Variants in SLC14A2 observed in about 807,000 individuals in gnomAD.
SLC14A2 encodes solute carrier family 14 member 2, also known as urea transporter 2.
A neutral mutation model predicts 104.6 loss-of-function variants in SLC14A2; 91 were observed. The ratio of observed to expected loss-of-function variants is 0.87; its 90% confidence interval spans 0.73 to 1.04. SLC14A2 has a LOEUF of 1.04. SLC14A2 is among the 50% of genes least tolerant of loss of function. The probability of loss-of-function intolerance (pLI) is 0.00; values close to 1 mark genes in which losing one functional copy is unlikely to be tolerated. For synonymous variants in SLC14A2, 476 were observed against 466.4 expected (o/e 1.02, Z -0.27); for missense variants, 1,189 against 1,156.0 (o/e 1.03, Z -0.41).
intron 1 of SLC14A2, among the ~76,000 whole-genome samples, chr18:45,465,883 TATAAG>T (rs2087132489): frequency 6.6e-6 from 1 of 151,692 alleles, no homozygotes; most frequent in Non-Finnish European, 1.5e-5. Flanking sequence ...ACGTTGCAAA[TATAAG>T]AGATGTCTGC....
At chr18:45,678,219 T>A (rs2046257461) in intron 18 of SLC14A2, among the ~76,000 whole-genome samples, 1 of 152,208 alleles carries the variant, frequency 6.6e-6, no homozygotes, top group South Asian at 2.1e-4. Flanking sequence ...ACAGTCATAT[T>A]ATTTCACCTC....
chr18:45,377,108 A>G (rs1211366057), intron 1 of SLC14A2, among the ~76,000 whole-genome samples: 3 of 152,170 alleles, frequency 2.0e-5, no homozygotes, highest in African/African-American at 4.8e-5. Context: ...AAAGGTGATG[A>G]AAACATCTGC....
intron 2 of SLC14A2, among the ~76,000 whole-genome samples, chr18:45,555,856 C>T (rs1159383187): frequency 6.6e-6 from 1 of 152,206 alleles, no homozygotes; most frequent in Non-Finnish European, 1.5e-5. Flanking sequence ...TGTAAACAGA[C>T]TTCACTCACC....
intron 1 of SLC14A2, among the ~76,000 whole-genome samples, chr18:45,385,654 A>G (rs1017703600): frequency 3.3e-5 from 5 of 152,160 alleles, no homozygotes; most frequent in Non-Finnish European, 5.9e-5. Context: ...CTATTCTGCA[A>G]ATGAAAGAAC....
intron 2 of SLC14A2, among the ~76,000 whole-genome samples, chr18:45,575,873 C>T (rs1229736818): frequency 6.8e-6 from 1 of 147,824 alleles, no homozygotes; most frequent in African/African-American, 2.5e-5. Flanking sequence ...AGAAATATTT[C>T]TGAGTAGTTC....
At position 45,475,246 on chromosome 18, in the gene SLC14A2, T is replaced by C. The variant is rs1254585813; in HGVS notation, c.-124-7987T>C. ...GATTGCACTGTGGTCTGAGAGACAG[T>C]TATGATTTCTGTTCTTTTGCATTTG... On this transcript the variant is annotated intron_variant, in intron 1 of 20. Transcript: ENST00000586448. 2.6e-5 allele frequency among the ~76,000 whole-genome samples: 4 copies of C among 151,810 alleles called. No individual in the cohort carries two copies. The East Asian group carries it at 7.8e-4, about 29-fold the overall frequency.
intron 1 of SLC14A2, among the ~76,000 whole-genome samples, chr18:45,271,976 G>A (rs995747698): frequency 3.3e-5 from 5 of 152,032 alleles, no homozygotes; most frequent in Admixed American, 6.6e-5. Context: ...ACAGAATAGA[G>A]AACCCAGAAA....
At chr18:45,324,275 G>T (rs1481640385) in intron 1 of SLC14A2, among the ~76,000 whole-genome samples, 1 of 152,130 alleles carries the variant, frequency 6.6e-6, no homozygotes, top group Non-Finnish European at 1.5e-5. Flanking sequence ...ACCACGCCAT[G>T]GTGGCAGCCA....
At chr18:45,338,497 G>A (rs578022133) in intron 1 of SLC14A2, among the ~76,000 whole-genome samples, 15 of 151,892 alleles carry the variant, frequency 9.9e-5, no homozygotes, top group Non-Finnish European at 1.5e-4. Context: ...CACTGTGCCC[G>A]GCCAAGTTAT....
chr18:45,549,544 C>T (rs1434612309), intron 2 of SLC14A2, among the ~76,000 whole-genome samples: 4 of 152,198 alleles, frequency 2.6e-5, no homozygotes, highest in African/African-American at 7.2e-5. Context: ...TCTACCTCAC[C>T]GCTTTCCACC....
intron 2 of SLC14A2, among the ~76,000 whole-genome samples, chr18:45,526,942 C>A (rs1214974026): frequency 7.2e-5 from 11 of 152,102 alleles, no homozygotes; most frequent in Admixed American, 6.6e-4. Flanking sequence ...TCTTGAAAAT[C>A]AGAATAAGGG....
chr18:45,250,077 G>A (rs2084405979), intron 1 of SLC14A2, among the ~76,000 whole-genome samples: 1 of 152,080 alleles, frequency 6.6e-6, no homozygotes, highest in African/African-American at 2.4e-5. Flanking sequence ...AAATGAAAGT[G>A]GAATGTGAAC....
chr18:45,459,397 T>C (rs2087002511), intron 1 of SLC14A2, among the ~76,000 whole-genome samples: 1 of 152,202 alleles, frequency 6.6e-6, no homozygotes, highest in Non-Finnish European at 1.5e-5. Context: ...CTCACCTCCC[T>C]ATTTCAAAGA....
chr18:45,360,476 A>T (rs1368913592), intron 1 of SLC14A2, among the ~76,000 whole-genome samples: 2 of 152,212 alleles, frequency 1.3e-5, no homozygotes, highest in African/African-American at 2.4e-5. Flanking sequence ...GACTTGTCAA[A>T]ATCTCAAGCC....
chr18:45,266,937 A>AGTCAG (rs1340825998), intron 1 of SLC14A2, among the ~76,000 whole-genome samples: 3 of 152,120 alleles, frequency 2.0e-5, no homozygotes, highest in Non-Finnish European at 4.4e-5. Context: ...AACAGAATGG[A>AGTCAG]GTCAGGGCAG....
At chr18:45,201,274 T>C in the SLC14A2 span, among the ~76,000 whole-genome samples, 1 of 152,130 alleles carries the variant, frequency 6.6e-6, no homozygotes, top group Admixed American at 6.6e-5. Context: ...CTTTGGAAAG[T>C]AGTCATTTTA....
chr18:45,258,303 A>G (rs1306917871), intron 1 of SLC14A2, among the ~76,000 whole-genome samples: 1 of 142,380 alleles, frequency 7.0e-6, no homozygotes, highest in Non-Finnish European at 1.5e-5. Flanking sequence ...GGAGCCTACC[A>G]TAACCCAGGA....
chr18:45,356,304 G>C (rs2085553467), intron 1 of SLC14A2, among the ~76,000 whole-genome samples: 1 of 152,208 alleles, frequency 6.6e-6, no homozygotes, highest in Non-Finnish European at 1.5e-5. Flanking sequence ...CATGGATATA[G>C]AACAGCCTTG....
In SLC14A2 at chr18:45,583,894, A is replaced by G. The variant is rs112090817; in HGVS notation, c.-34-40737A>G. On this transcript the variant is annotated intron_variant, in intron 2 of 20. Coordinates refer to the SLC14A2 transcript ENST00000586448. ...AACTGGTATGAGCTGGCTCCAGTAC[A>G]CCATTGCATGCAAGCCATATGTGTA... 2.0e-3 allele frequency among the ~76,000 whole-genome samples: 310 copies of G among 152,358 alleles called. 2 individuals carry two copies. Among genetic ancestry groups the G allele is most frequent in the Middle Eastern group, 6.8e-3 (2 of 294 alleles).
Sources: gnomAD v4.1 joint callset for allele counts (sites outside exome capture counted in the v4.1 genomes callset) on GRCh38, gnomAD v4.1.1 for gene constraint, MANE v1.5 for transcripts, NCBI Gene and HGNC (gene_info 2026-07-23, HGNC 2026-07-21) for gene names.